Variants in ZFHX3 observed in about 807,000 individuals in gnomAD.
ZFHX3 encodes the protein zinc finger homeobox protein 3.
Under a neutral mutation model 279.1 loss-of-function variants are expected in ZFHX3, and 42 were observed. The ratio of observed to expected loss-of-function variants is 0.15; its 90% CI spans 0.12 to 0.19. ZFHX3 has a LOEUF of 0.19. ZFHX3 is among the 10% of genes least tolerant of loss of function. The pLI is 1.00. For missense variants in ZFHX3, 4,981 were observed against 4,754.0 expected, an observed-to-expected ratio of 1.05 and a Z score of -1.40; for synonymous variants, 2,293 against 1,957.8, an observed-to-expected ratio of 1.17 and a Z score of -4.52.
chr16:73,633,822 C>T (rs1403909294), intron 2 of ZFHX3, among the ~76,000 whole-genome samples: 6 of 151,650 alleles, frequency 4.0e-5, no homozygotes, highest in South Asian at 2.1e-4. Flanking sequence ...CGCTTGAACC[C>T]GGGAGGCGGA....
chr16:73,477,954 TGTTTTTGTTGTC>T (rs2018792213), intron 2 of ZFHX3, among the ~76,000 whole-genome samples: 1 of 152,124 alleles, frequency 6.6e-6, no homozygotes, highest in Non-Finnish European at 1.5e-5. Context: ...ATTTTGTTGT[TGTTTTTGTTGTC>T]TTCTTTTTTA....
intron 5 of ZFHX3, among the ~76,000 whole-genome samples, chr16:73,157,077 A>T (rs11640599): frequency 0.013 from 1,996 of 152,226 alleles, 18 homozygotes; most frequent in Non-Finnish European, 0.021. Flanking sequence ...GATATAAGCC[A>T]CGTTTCTAAA....
At chr16:73,754,271 G>A (rs369557302) in intron 1 of ZFHX3, among the ~76,000 whole-genome samples, 5 of 152,040 alleles carry the variant, frequency 3.3e-5, no homozygotes, top group African/African-American at 1.2e-4. Flanking sequence ...TTCCCCTCTG[G>A]GTGTGTTGTA....
chr16:72,873,020 C>G (rs1010494816), intron 4 of ZFHX3, among the ~76,000 whole-genome samples: 1 of 152,194 alleles, frequency 6.6e-6, no homozygotes, highest in Admixed American at 6.5e-5. Context: ...CAGCCTGACT[C>G]TCTCCTTAGA....
In ZFHX3 at chr16:73,515,533, A is replaced by G. The variant is rs572490507; in HGVS notation, c.-1546-59275T>C. On this transcript the variant is annotated intron_variant, in intron 2 of 17. Coordinates refer to the ZFHX3 transcript ENST00000641206. ...GAGAGAGAAAGAAAGAAAGAGGGAG[A>G]GAGAGAGAGGAAGAGAGGGAGAGAA... is the stretch of plus-strand genomic sequence containing the variant. 8.6e-5 allele frequency among the ~76,000 whole-genome samples: 13 copies of G among 150,914 alleles called. 1 individual carries two copies. In the East Asian group the frequency reaches 2.3e-3, roughly 27 times the overall value.
At chr16:73,049,363 T>C (rs1471967219), upstream of ZFHX3, among the ~76,000 whole-genome samples, 3 of 152,196 alleles carry the variant, frequency 2.0e-5, no homozygotes, top group African/African-American at 4.8e-5. Flanking sequence ...GTTAGAAATA[T>C]AATCAGCTCA....
At chr16:73,273,529 C>A (rs11644823) in intron 4 of ZFHX3, among the ~76,000 whole-genome samples, 64,645 of 151,722 alleles carry the variant, frequency 0.43, 14,858 homozygotes, top group East Asian at 0.64. Context: ...CATAATCTGT[C>A]CATTTTTTCT....
intron 2 of ZFHX3, among the ~76,000 whole-genome samples, chr16:73,649,595 T>A (rs1028532016): frequency 6.6e-6 from 1 of 152,180 alleles, no homozygotes; most frequent in Admixed American, 6.5e-5. Context: ...TTTTAAAAAA[T>A]TTTAATAAAC....
At chr16:73,716,437 A>G (rs117521874) in intron 1 of ZFHX3, among the ~76,000 whole-genome samples, 6 of 152,288 alleles carry the variant, frequency 3.9e-5, no homozygotes, top group Non-Finnish European at 8.8e-5. Flanking sequence ...GGAAATCGCA[A>G]TTAAAAAGAC....
intron 5 of ZFHX3, among the ~76,000 whole-genome samples, chr16:73,155,180 C>CA (rs780941621): frequency 0.37 from 38,661 of 105,010 alleles, 5,500 homozygotes; most frequent in Middle Eastern, 0.47. Flanking sequence ...CTCAAAAAAA[C>CA]AAAAAAAAAA....
At chr16:73,156,666 C>T (rs1488080541) in intron 5 of ZFHX3, among the ~76,000 whole-genome samples, 1 of 152,136 alleles carries the variant, frequency 6.6e-6, no homozygotes, top group Non-Finnish European at 1.5e-5. Context: ...AGTGATCCTC[C>T]CACTTTAGTC....
At chr16:73,360,482 G>A (rs559932312) in intron 3 of ZFHX3, among the ~76,000 whole-genome samples, 1 of 152,298 alleles carries the variant, frequency 6.6e-6, no homozygotes, top group African/African-American at 2.4e-5. Context: ...GGGATTACAG[G>A]TGCCCACCGC....
At chr16:73,429,634 A>G (rs2017876378) in intron 3 of ZFHX3, among the ~76,000 whole-genome samples, 1 of 152,142 alleles carries the variant, frequency 6.6e-6, no homozygotes, top group African/African-American at 2.4e-5. Context: ...CACCAGGCCA[A>G]GACCTTCGGA....
intron 1 of ZFHX3, among the ~76,000 whole-genome samples, chr16:73,778,213 T>C (rs1222565434): frequency 1.6e-5 from 2 of 128,642 alleles, no homozygotes; most frequent in African/African-American, 3.0e-5. Flanking sequence ...CATAAACCAC[T>C]ACCTTTACTG....
Position 72,867,403 on chromosome 16 carries a change from G to A in ZFHX3, c.3448+22328C>T, listed in dbSNP as rs565911405. Among the ~76,000 whole-genome samples the A allele has an allele frequency of 3.9e-5, 6 of 152,316 alleles. No homozygotes were observed. The South Asian group carries it at 1.2e-3, about 32-fold the overall frequency. ...TAATCCTGAGCAGGAAGATGAGAAC[G>A]ATTTTATAAGTGTGTCCCCTTCTAT... On this transcript the variant is annotated intron_variant, in intron 4 of 9. Coordinates refer to ENST00000268489, the MANE Select transcript of ZFHX3 (RefSeq NM_006885.4).
intron 8 of ZFHX3, among the ~76,000 whole-genome samples, chr16:73,066,507 T>A (rs1455733923): frequency 6.6e-6 from 1 of 151,980 alleles, no homozygotes; most frequent in Admixed American, 6.5e-5. Context: ...GCTGAGGCGC[T>A]TAGGCCAGTG....
chr16:73,132,005 G>A (rs1487578044), intron 6 of ZFHX3, among the ~76,000 whole-genome samples: 1 of 152,112 alleles, frequency 6.6e-6, no homozygotes, highest in Non-Finnish European at 1.5e-5. Context: ...AGGGATGAGG[G>A]TCCGGTGCAG....
chr16:72,919,218 G>T (rs1015665348), intron 3 of ZFHX3, among the ~76,000 whole-genome samples: 3 of 151,676 alleles, frequency 2.0e-5, no homozygotes, highest in African/African-American at 7.3e-5. Context: ...GTGTGCAGAG[G>T]TATAGTCACA....
At chr16:73,044,869 C>T (rs569959810) in intron 1 of ZFHX3, among the ~76,000 whole-genome samples, 2 of 152,300 alleles carry the variant, frequency 1.3e-5, no homozygotes, top group South Asian at 2.1e-4. Context: ...GATCTGCCTG[C>T]CTCAGCCTCC....
Sources: allele counts gnomAD v4.1 joint callset (sites outside exome capture counted in the v4.1 genomes callset), GRCh38; gene constraint gnomAD v4.1.1; transcripts MANE v1.5; gene names NCBI Gene and HGNC (gene_info 2026-07-23, HGNC 2026-07-21).